CRTC3: variants seen among roughly 807,000 people sequenced by gnomAD.
The protein encoded by CRTC3 is CREB-regulated transcription coactivator 3.
A neutral mutation model predicts 74.5 loss-of-function variants in CRTC3; 26 were observed. The observed-to-expected ratio is 0.35, with a 90% CI of 0.26 to 0.48. The LOEUF (loss-of-function observed/expected upper bound fraction) is 0.48. Ranked by LOEUF, CRTC3 falls within the 20% of genes least tolerant of loss-of-function variation. The pLI is 0.99. For synonymous variants in CRTC3, 377 were observed against 325.8 expected (o/e 1.16, Z -1.69); for missense variants, 760 against 787.3 (o/e 0.97, Z 0.41).
chr15:90,581,380 A>G (rs1213708994), intron 2 of CRTC3, among the ~76,000 whole-genome samples: 1 of 152,176 alleles, frequency 6.6e-6, no homozygotes, highest in African/African-American at 2.4e-5. Context: ...ATTCCAGAGC[A>G]TTTTATTCTT....
Position 90,530,077 on chromosome 15 carries a change from C to T in CRTC3, c.6C>T (p.Ala2=). 2 of 1,434,774 alleles carry T rather than the reference C, an allele frequency of 1.4e-6. No homozygotes were observed. Among genetic ancestry groups the T allele is most frequent in the African/African-American group, 1.5e-5 (1 of 66,738 alleles). The allele number at this position is 1,434,774 out of a possible 1,614,324, so 88.9% of individuals were successfully genotyped here. A position where few individuals can be genotyped will look rare whatever the true frequency, so the allele number is the denominator to read the frequency against. Residue 2 remains alanine (A), a synonymous_variant, in exon 1 of 15, where the codon GCC becomes GCT. Coordinates refer to ENST00000268184, the MANE Select transcript of CRTC3 (RefSeq NM_022769.5). This position sits in a 1 kb window ranked among gnomAD's most constrained non-coding sequence, Gnocchi z 6.2. Reference sequence around the variant, plus strand: ...GCCCGCGCAGAGTCCGCGCCATGGCCGCCTCGCCGGGCTCGGGCAGCGCCA... The same window carrying T: ...GCCCGCGCAGAGTCCGCGCCATGGCTGCCTCGCCGGGCTCGGGCAGCGCCA... M[A]ASPGSGSANP... is the part of the protein sequence containing the mutation.
At chr15:90,608,529 A>T (rs540565254) in intron 6 of CRTC3, among the ~76,000 whole-genome samples, 12 of 152,308 alleles carry the variant, frequency 7.9e-5, no homozygotes, top group African/African-American at 2.9e-4. Flanking sequence ...CTGTGGAGCC[A>T]TCCTTGACCT....
intron 11 of CRTC3, among the ~76,000 whole-genome samples, chr15:90,633,000 T>C (rs889135370): frequency 2.0e-5 from 3 of 152,168 alleles, no homozygotes; most frequent in Non-Finnish European, 4.4e-5. Flanking sequence ...TAATTCTCTT[T>C]CCACTCTCCC....
intron 2 of CRTC3, among the ~76,000 whole-genome samples, chr15:90,567,627 G>T (rs751791843): frequency 1.3e-5 from 2 of 152,066 alleles, no homozygotes; most frequent in Non-Finnish European, 2.9e-5. Flanking sequence ...GGCAGAGGTT[G>T]CAGTGAGCCA....
chr15:90,610,487 A>C (rs907254115), intron 6 of CRTC3, among the ~76,000 whole-genome samples: 1 of 152,260 alleles, frequency 6.6e-6, no homozygotes, highest in East Asian at 1.9e-4. Flanking sequence ...ACAAGAAGAC[A>C]AAGCCTGATA....
At chr15:90,619,234 A>C (rs2151088262) in intron 8 of CRTC3, among the ~76,000 whole-genome samples, 1 of 152,334 alleles carries the variant, frequency 6.6e-6, no homozygotes, top group South Asian at 2.1e-4. Flanking sequence ...AGGCGGGTGG[A>C]TCACCTGAGG....
intron 11 of CRTC3, chr15:90,638,242 G>C (rs1266948767): frequency 9.1e-6 from 5 of 547,258 alleles, no homozygotes; most frequent in Non-Finnish European, 1.6e-5. Flanking sequence ...AATAGAACTT[G>C]TCATTGAATG....
intron 3 of CRTC3, among the ~76,000 whole-genome samples, chr15:90,601,707 G>T (rs76425188): frequency 0.013 from 1,961 of 152,184 alleles, 32 homozygotes; most frequent in African/African-American, 0.043. Flanking sequence ...AAAAGAAAAT[G>T]TATTGGCATA....
chr15:90,569,248 C>G (rs895533469), intron 2 of CRTC3, among the ~76,000 whole-genome samples: 13 of 151,024 alleles, frequency 8.6e-5, no homozygotes, highest in African/African-American at 3.2e-4. Context: ...AAGCCGTCTT[C>G]CTGCCTTGGC....
chr15:90,593,624 TTC>T lies in CRTC3; in HGVS notation c.232-6_232-5del. 6.3e-7 allele frequency: 1 copy of T among 1,598,982 alleles called. No individual in the cohort carries two copies. The highest frequency in any genetic ancestry group is 8.6e-7 in the Non-Finnish European group (1 of 1,167,414). ...TGGTTGGAGGCCAACTCTTCTTCCC[TTC>T]TCTCTGCAGCCGTCATTTCACCAAG... On this transcript the variant is annotated splice_polypyrimidine_tract_variant and intron_variant, in intron 2 of 14. Coordinates refer to ENST00000268184, the MANE Select transcript of CRTC3 (RefSeq NM_022769.5).
At chr15:90,602,413 G>T (rs1426305584) in intron 4 of CRTC3, 28 bp downstream of exon 4, 1 of 1,221,778 alleles carries the variant, frequency 8.2e-7, no homozygotes. Flanking sequence ...TAAAAGATAT[G>T]ATGGGCATGT....
intron 2 of CRTC3, among the ~76,000 whole-genome samples, chr15:90,561,186 T>A (rs1006656488): frequency 5.3e-5 from 8 of 152,218 alleles, no homozygotes; most frequent in African/African-American, 1.9e-4. Flanking sequence ...ATCCTTAGAA[T>A]AATGCCCAGC....
intron 3 of CRTC3, among the ~76,000 whole-genome samples, chr15:90,601,635 A>C (rs897086074): frequency 2.6e-5 from 4 of 152,146 alleles, no homozygotes; most frequent in African/African-American, 9.7e-5. Flanking sequence ...CCTGGGCCAA[A>C]AAAAAGAGTG....
intron 2 of CRTC3, among the ~76,000 whole-genome samples, chr15:90,579,342 CA>C (rs1967481791): frequency 6.6e-6 from 1 of 152,158 alleles, no homozygotes; most frequent in Admixed American, 6.5e-5. Flanking sequence ...CACTCTTCCC[CA>C]CTGGGGACCG....
rs1434705871 is a variant in CRTC3 at position 90,535,753 on chromosome 15, T to C, written c.133-4286T>C. 2.6e-5 allele frequency among the ~76,000 whole-genome samples: 4 copies of C among 152,196 alleles called. No homozygotes were observed. In the East Asian group the frequency reaches 5.8e-4, roughly 22 times the overall value. On this transcript the variant is annotated intron_variant, in intron 1 of 14. Transcript: ENST00000268184. The stretch of plus-strand genomic sequence containing the variant: ...GAAATATTAGGTTTGGGCTAAATAT[T>C]GAGGACTTTCCTTTTGCGAGGCACT...
At chr15:90,626,951 C>T (rs1433874414) in intron 10 of CRTC3, among the ~76,000 whole-genome samples, 3 of 152,330 alleles carry the variant, frequency 2.0e-5, no homozygotes, top group East Asian at 1.9e-4. Flanking sequence ...AATCCTCTTA[C>T]TCCCAGTGGT....
chr15:90,643,021 C>T lies in CRTC3; in HGVS notation c.*881C>T, dbSNP rs924426567. The T allele has an allele frequency of 3.0e-5, 7 of 232,374 alleles. No individual in the cohort carries two copies. The highest frequency in any genetic ancestry group is 1.8e-4 in the South Asian group (1 of 5,510). 14.4% of individuals were successfully genotyped at this position (232,374 alleles called of 1,614,324 possible). A position where few individuals can be genotyped will look rare whatever the true frequency, so the allele number is the denominator to read the frequency against. ...CTGGTGAGGCCCTAACCCCACCCAC[C>T]GAGCAACTGAGCTTCCCCATCCCTC... On this transcript the variant is annotated 3_prime_UTR_variant, in exon 15 of 15. Transcript: ENST00000268184.
At chr15:90,579,115 C>T (rs1483439152) in intron 2 of CRTC3, among the ~76,000 whole-genome samples, 1 of 152,104 alleles carries the variant, frequency 6.6e-6, no homozygotes, top group Non-Finnish European at 1.5e-5. Flanking sequence ...GTCATTATCC[C>T]CTAAACAATA....
chr15:90,595,438 G>C (rs894273435), intron 3 of CRTC3: 4 of 152,022 alleles, frequency 2.6e-5, no homozygotes, highest in African/African-American at 7.3e-5. Context: ...CAGGCTCGGT[G>C]GTGGGCACCT....
Sources: gnomAD v4.1 joint callset for allele counts (sites outside exome capture counted in the v4.1 genomes callset) on GRCh38, gnomAD v4.1.1 for gene constraint, Gnocchi (gnomAD v3.1) non-coding constraint, MANE v1.5 for transcripts, NCBI Gene and HGNC (gene_info 2026-07-23, HGNC 2026-07-21) for gene names.